The following FAM20B variants were observed in gnomAD, a reference collection of about 807,000 sequenced individuals.
The protein encoded by FAM20B is FAM20B glycosaminoglycan xylosylkinase.
A neutral mutation model predicts 43.8 loss-of-function variants in FAM20B; 23 were observed. The ratio of observed to expected loss-of-function variants is 0.53; its 90% CI spans 0.38 to 0.74. The LOEUF is 0.74. Among genes scored for constraint, FAM20B ranks in the 30% least tolerant of loss-of-function variants. The pLI is 0.00. For missense variants in FAM20B, 440 were observed against 510.5 expected, an observed-to-expected ratio of 0.86 and a Z score of 1.33; for synonymous variants, 178 against 192.4, an observed-to-expected ratio of 0.93 and a Z score of 0.62.
At chr1:179,061,199 C>T (rs1172584127) in intron 4 of FAM20B, among the ~76,000 whole-genome samples, 1 of 151,428 alleles carries the variant, frequency 6.6e-6, no homozygotes, top group African/African-American at 2.4e-5. Context: ...TCGCCTCAGC[C>T]TTCCGAGTAT....
At chr1:179,044,309 C>T in intron 2 of FAM20B, 85 bp downstream of exon 2, 1 of 1,444,212 alleles carries the variant, frequency 6.9e-7, no homozygotes, top group Non-Finnish European at 9.3e-7. Context: ...TTGTCATCTT[C>T]TCTTGGAAGT....
Position 179,026,703 on chromosome 1 carries a change from CTG to C in FAM20B, c.-134+609_-134+610del, listed in dbSNP as rs1649802298. Among the ~76,000 whole-genome samples the C allele has an allele frequency of 2.6e-5, 4 of 152,356 alleles. 1 individual carries two copies. The South Asian group carries it at 8.3e-4, about 32-fold the overall frequency. ...GCAGAAGGGCACAACTTAACGAATGCTGTGTTAGCCCTCAGTGGGCTGCGCTT... is the reference window on the plus strand; with the variant it reads ...GCAGAAGGGCACAACTTAACGAATGCTGTTAGCCCTCAGTGGGCTGCGCTT... On this transcript the variant is annotated intron_variant, in intron 1 of 7. Transcript: ENST00000263733.
chr1:179,045,568 A>G (rs1246410154), intron 2 of FAM20B, among the ~76,000 whole-genome samples: 1 of 152,196 alleles, frequency 6.6e-6, no homozygotes, highest in Non-Finnish European at 1.5e-5. Context: ...AGTGATGTGG[A>G]AATTAGGAAA....
intron 3 of FAM20B, among the ~76,000 whole-genome samples, chr1:179,051,938 A>G (rs1651025471): frequency 6.6e-6 from 1 of 152,050 alleles, no homozygotes; most frequent in South Asian, 2.1e-4. Flanking sequence ...GTGAGTCACC[A>G]CGCCCAGCCT....
intron 1 of FAM20B, among the ~76,000 whole-genome samples, chr1:179,039,650 G>C (rs1650396673): frequency 6.6e-6 from 1 of 152,196 alleles, no homozygotes; most frequent in Non-Finnish European, 1.5e-5. Context: ...ATGAGCAGCA[G>C]ATATGACACG....
chr1:179,053,581 T>C (rs1199443402), intron 3 of FAM20B, among the ~76,000 whole-genome samples: 1 of 152,204 alleles, frequency 6.6e-6, no homozygotes, highest in East Asian at 1.9e-4. Flanking sequence ...TTCCCTTGCC[T>C]CTGGGGGTAT....
intron 1 of FAM20B, among the ~76,000 whole-genome samples, chr1:179,036,904 C>T (rs1157930645): frequency 6.6e-6 from 1 of 152,048 alleles, no homozygotes; most frequent in Non-Finnish European, 1.5e-5. Context: ...CAGACTTTAT[C>T]AGGAGGAGAT....
At chr1:179,039,836 A>T (rs545863871) in intron 1 of FAM20B, among the ~76,000 whole-genome samples, 6 of 152,056 alleles carry the variant, frequency 3.9e-5, no homozygotes, top group African/African-American at 1.5e-4. Flanking sequence ...CAGATAAACA[A>T]GTGAACAAAG....
upstream of FAM20B, among the ~76,000 whole-genome samples, chr1:179,024,148 T>A (rs970387128): frequency 6.6e-6 from 1 of 152,164 alleles, no homozygotes; most frequent in Admixed American, 6.5e-5. Context: ...GGAGGAAGTG[T>A]GTCTGTCCTG....
intron 2 of FAM20B, among the ~76,000 whole-genome samples, chr1:179,049,407 C>T (rs1389260514): frequency 6.6e-6 from 1 of 152,162 alleles, no homozygotes; most frequent in East Asian, 1.9e-4. Flanking sequence ...AAAAAAAGAA[C>T]AAGAATGGTT....
upstream of FAM20B, among the ~76,000 whole-genome samples, chr1:179,023,469 C>T (rs1430754032): frequency 2.0e-5 from 3 of 152,216 alleles, no homozygotes; most frequent in Non-Finnish European, 2.9e-5. Flanking sequence ...AGAGTCTTGA[C>T]AAAGTGCTCA....
At chr1:179,034,384 TTC>T (rs138317999) in intron 1 of FAM20B, among the ~76,000 whole-genome samples, 5 of 150,918 alleles carry the variant, frequency 3.3e-5, no homozygotes, top group South Asian at 4.2e-4. Context: ...CTCCACCTCT[TTC>T]TCTCTCTCTC....
chr1:179,018,896 G>C, the FAM20B span, among the ~76,000 whole-genome samples: 7 of 152,172 alleles, frequency 4.6e-5, no homozygotes, highest in Admixed American at 6.5e-5. Flanking sequence ...CAGGAAAGCT[G>C]GTCGTATAAC....
intron 4 of FAM20B, among the ~76,000 whole-genome samples, chr1:179,059,333 G>C (rs991608176): frequency 6.6e-6 from 1 of 152,196 alleles, no homozygotes; most frequent in African/African-American, 2.4e-5. Flanking sequence ...AATATGTCAG[G>C]CACTGTGCTA....
intron 4 of FAM20B, among the ~76,000 whole-genome samples, chr1:179,057,595 T>C (rs150218509): frequency 3.3e-5 from 5 of 152,308 alleles, no homozygotes; most frequent in African/African-American, 1.2e-4. Flanking sequence ...GTCTAATGAC[T>C]TTCCCAAAGT....
At position 179,043,888 on chromosome 1, in the gene FAM20B, T is replaced by G; in HGVS notation, c.41T>G (p.Leu14Arg). 1 of 1,609,410 alleles carries G rather than the reference T, an allele frequency of 6.2e-7. No homozygotes were observed. Among genetic ancestry groups the G allele is most frequent in the Non-Finnish European group, 8.5e-7 (1 of 1,175,932 alleles). ...CGAGTCGTGCTGTTAGCAATTCTCCTTGTCATTTTTATCTTCACCAAAGTT... is the reference window on the plus strand; with the variant it reads ...CGAGTCGTGCTGTTAGCAATTCTCCGTGTCATTTTTATCTTCACCAAAGTT... ...KQRVVLLAILLVIFIFTKVFL... is the reference protein window; with the variant it reads ...KQRVVLLAILRVIFIFTKVFL... Residue 14 changes from leucine (L) to arginine (R), a missense_variant, in exon 2 of 8, where the codon CTT becomes CGT. Coordinates refer to ENST00000263733, the MANE Select transcript of FAM20B (RefSeq NM_014864.4).
At chr1:179,066,223 G>C (rs966510603) in intron 6 of FAM20B, among the ~76,000 whole-genome samples, 2 of 152,204 alleles carry the variant, frequency 1.3e-5, no homozygotes, top group African/African-American at 2.4e-5. Context: ...TCCAGAATCA[G>C]TTCTCCTTTT....
rs540200898 is a variant in FAM20B, at chr1:179,054,540, T to G, written c.476T>G (p.Phe159Cys). Residue 159 changes from phenylalanine to cysteine, a missense_variant, in exon 4 of 8, where the codon TTC (phenylalanine) becomes TGC (cysteine). Phe to Cys is a radical substitution (Grantham distance 205, BLOSUM62 -2). Coordinates refer to ENST00000263733, the MANE Select transcript of FAM20B (RefSeq NM_014864.4). ...AAFHLDRILGFHRAPLVVGRF... is the reference protein window; with the variant it reads ...AAFHLDRILGCHRAPLVVGRF... ...ATCTTCCAAACCAGGATTCTGGGTT[T>G]CCACCGAGCCCCCTTGGTAGTTGGC... is the stretch of plus-strand genomic sequence containing the variant. 1 of 1,610,892 alleles carries G rather than the reference T, an allele frequency of 6.2e-7. No individual in the cohort carries two copies. Among genetic ancestry groups the G allele is most frequent in the Non-Finnish European group, 8.5e-7 (1 of 1,177,344 alleles).
chr1:179,028,807 C>T (rs542264014), intron 1 of FAM20B, among the ~76,000 whole-genome samples: 11 of 151,904 alleles, frequency 7.2e-5, no homozygotes, highest in Admixed American at 1.3e-4. Context: ...AATAAATATT[C>T]GTCAGTTGAA....
Sources: allele counts gnomAD v4.1 joint callset (sites outside exome capture counted in the v4.1 genomes callset), GRCh38; gene constraint gnomAD v4.1.1; transcripts MANE v1.5; gene names NCBI Gene and HGNC (gene_info 2026-07-23, HGNC 2026-07-21).